DMC1: variants seen among roughly 807,000 people sequenced by gnomAD.
The protein encoded by DMC1 is meiotic recombination protein DMC1 homolog.
A neutral mutation model predicts 50.1 loss-of-function variants in DMC1; 27 were observed. That is an observed-to-expected ratio of 0.54 (90% CI 0.40 to 0.74). DMC1 has a LOEUF of 0.74. DMC1 is among the 30% of genes least tolerant of loss of function. The pLI is 0.00. For missense variants in DMC1, 295 were observed against 420.2 expected, an observed-to-expected ratio of 0.70 and a Z score of 2.60; for synonymous variants, 148 against 136.1, an observed-to-expected ratio of 1.09 and a Z score of -0.61.
intron 5 of DMC1, among the ~76,000 whole-genome samples, 172 bp downstream of exon 5, chr22:38,562,115 C>T (rs2090533563): frequency 6.6e-6 from 1 of 151,884 alleles, no homozygotes; most frequent in South Asian, 2.1e-4. Flanking sequence ...CTTGCTCCTC[C>T]AAGCAGTCTA....
chr22:38,539,390 T>C lies in DMC1; in HGVS notation c.517A>G (p.Ile173Val). 6.2e-7 allele frequency: 1 copy of C among 1,614,014 alleles called. No individual in the cohort carries two copies. The highest frequency in any genetic ancestry group is 8.5e-7 in the Non-Finnish European group (1 of 1,179,934). Residue 173 changes from isoleucine to valine, a missense_variant, in exon 9 of 14, where the codon ATT (isoleucine) becomes GTT (valine). Transcript: ENST00000216024. The stretch of plus-strand genomic sequence containing the variant: ...TGGTCTACATTAAAGCGATCAGCAA[T>C]GTCCCTAAGGCGATCTGGACGGCTG... ...NTFRPDRLRD[I>V]ADRFNVDHDA... is the part of the protein sequence containing the mutation.
downstream of DMC1, among the ~76,000 whole-genome samples, chr22:38,515,913 T>G (rs2089973795): frequency 6.6e-6 from 1 of 152,186 alleles, no homozygotes; most frequent in South Asian, 2.1e-4. Flanking sequence ...TTAGGACCCT[T>G]TTCTGGTAAC....
At chr22:38,513,725 G>A in the DMC1 span, among the ~76,000 whole-genome samples, 258 of 152,164 alleles carry the variant, frequency 1.7e-3, no homozygotes, top group East Asian at 0.015. Context: ...TTACAGGTGC[G>A]CACCACCAAA....
At chr22:38,520,882 G>GTTT (rs574922199) in intron 13 of DMC1, among the ~76,000 whole-genome samples, 1 of 141,024 alleles carries the variant, frequency 7.1e-6, no homozygotes, top group Admixed American at 7.1e-5. Flanking sequence ...TTTTGTTTTT[G>GTTT]TTTTTTTTTT....
chr22:38,549,868 A>T, intron 8 of DMC1, 57 bp downstream of exon 8: 1 of 1,294,320 alleles, frequency 7.7e-7, no homozygotes, highest in Non-Finnish European at 1.1e-6. Context: ...CAAACTCTTC[A>T]GTGGTAACAT....
At chr22:38,528,037 C>A (rs575778281) in intron 12 of DMC1, among the ~76,000 whole-genome samples, 78 of 151,204 alleles carry the variant, frequency 5.2e-4, no homozygotes, top group Admixed American at 2.1e-3. Context: ...CCTCTTAGGG[C>A]ATTGTAAGGA....
At chr22:38,511,472 T>C in the DMC1 span, among the ~76,000 whole-genome samples, 2 of 151,334 alleles carry the variant, frequency 1.3e-5, no homozygotes, top group Non-Finnish European at 3.0e-5. Context: ...CCAGATACTT[T>C]CCATATACGT....
chr22:38,554,642 A>C (rs2090449769), intron 6 of DMC1, among the ~76,000 whole-genome samples: 1 of 151,930 alleles, frequency 6.6e-6, no homozygotes, highest in African/African-American at 2.4e-5. Flanking sequence ...GTTCGAGACC[A>C]TCTTGGGCAA....
At chr22:38,553,139 C>T (rs1032797447) in intron 6 of DMC1, among the ~76,000 whole-genome samples, 3 of 151,652 alleles carry the variant, frequency 2.0e-5, no homozygotes, top group South Asian at 2.1e-4. Context: ...TGAGCCACCA[C>T]GCCCGGCCTT....
intron 12 of DMC1, among the ~76,000 whole-genome samples, chr22:38,533,425 A>G (rs960401700): frequency 6.6e-6 from 1 of 151,456 alleles, no homozygotes; most frequent in Non-Finnish European, 1.5e-5. Flanking sequence ...AAGAGTCTTG[A>G]AAAGTGAGAG....
chr22:38,526,884 G>A (rs1297795239), intron 12 of DMC1, among the ~76,000 whole-genome samples: 1 of 152,116 alleles, frequency 6.6e-6, no homozygotes, highest in African/African-American at 2.4e-5. Context: ...TAAACTGGCC[G>A]TCTGGTTCTT....
At chr22:38,518,514 C>G (rs1255211614), downstream of DMC1, among the ~76,000 whole-genome samples, 1 of 151,614 alleles carries the variant, frequency 6.6e-6, no homozygotes, top group African/African-American at 2.4e-5. Context: ...ACTTCGAATA[C>G]TTGAATTTTC....
intron 12 of DMC1, among the ~76,000 whole-genome samples, chr22:38,522,945 A>T (rs1440272946): frequency 6.6e-6 from 1 of 152,146 alleles, no homozygotes; most frequent in African/African-American, 2.4e-5. Context: ...GCTGAATAGG[A>T]TTAAGATTCA....
intron 7 of DMC1, among the ~76,000 whole-genome samples, chr22:38,550,439 A>G (rs2090391496): frequency 1.3e-5 from 2 of 148,834 alleles, no homozygotes; most frequent in Admixed American, 6.7e-5. Context: ...TCAGCCTCCC[A>G]AGTAGCTGGG....
chr22:38,532,731 T>C (rs1010653164), intron 12 of DMC1, among the ~76,000 whole-genome samples: 1 of 152,140 alleles, frequency 6.6e-6, no homozygotes, highest in Non-Finnish European at 1.5e-5. Context: ...GCAATCCTCC[T>C]GCCTCAGCCT....
intron 2 of DMC1, among the ~76,000 whole-genome samples, chr22:38,567,857 C>T (rs2090596196): frequency 2.0e-5 from 3 of 152,130 alleles, no homozygotes; most frequent in South Asian, 4.1e-4. Flanking sequence ...AATTTTAAAA[C>T]CTTTACCCAA....
intron 12 of DMC1, among the ~76,000 whole-genome samples, chr22:38,526,765 T>C (rs2090096281): frequency 6.6e-6 from 1 of 152,194 alleles, no homozygotes; most frequent in Admixed American, 6.6e-5. Flanking sequence ...GGATTCCATA[T>C]CTAGTAAATA....
At chr22:38,551,570 TCCTC>T (rs2090411621) in intron 7 of DMC1, among the ~76,000 whole-genome samples, 1 of 152,066 alleles carries the variant, frequency 6.6e-6, no homozygotes, top group Non-Finnish European at 1.5e-5. Flanking sequence ...CTTCAGGAGA[TCCTC>T]CTGCCTTGGC....
intron 4 of DMC1, 58 bp from the exon 5 acceptor site, chr22:38,562,427 C>T (rs2090537612): frequency 8.3e-7 from 1 of 1,203,108 alleles, no homozygotes; most frequent in South Asian, 1.2e-5. Context: ...GTTGTATTTT[C>T]AAATGTTGCC....
Sources: allele counts gnomAD v4.1 joint callset (sites outside exome capture counted in the v4.1 genomes callset), GRCh38; gene constraint gnomAD v4.1.1; transcripts MANE v1.5; gene names NCBI Gene and HGNC (gene_info 2026-07-23, HGNC 2026-07-21).